SMURF2: variants seen among roughly 807,000 people sequenced by gnomAD.
The protein encoded by SMURF2 is E3 ubiquitin-protein ligase SMURF2.
Under a neutral mutation model 109.6 loss-of-function variants are expected in SMURF2, and 48 were observed. That is an observed-to-expected ratio of 0.44 (90% CI 0.35 to 0.56). The LOEUF (loss-of-function observed/expected upper bound fraction) is 0.56. SMURF2 is among the 20% of genes least tolerant of loss of function. The pLI is 0.01. For synonymous variants in SMURF2, 288 were observed against 317.1 expected (o/e 0.91, Z 0.97); for missense variants, 575 against 909.0 (o/e 0.63, Z 4.72).
intron 1 of SMURF2, among the ~76,000 whole-genome samples, chr17:64,661,242 A>C (rs1970770828): frequency 6.6e-6 from 1 of 151,882 alleles, no homozygotes; most frequent in Non-Finnish European, 1.5e-5. Context: ...CACACCGGAA[A>C]AGTCAACCTG....
intron 1 of SMURF2, among the ~76,000 whole-genome samples, chr17:64,652,930 A>G (rs1232132603): frequency 6.6e-6 from 1 of 152,248 alleles, no homozygotes; most frequent in Admixed American, 6.5e-5. Flanking sequence ...CTTGAAAATA[A>G]GTTTAAATGT....
At position 64,556,851 on chromosome 17, in the gene SMURF2, CTTGT is replaced by C. The variant is rs1339679560; in HGVS notation, c.1431+753_1431+756del. 3.9e-5 allele frequency among the ~76,000 whole-genome samples: 6 copies of C among 152,086 alleles called. No individual in the cohort carries two copies. The East Asian group carries it at 9.6e-4, about 24-fold the overall frequency. ...TTAAGCTCGTCTTTAAACCTTTTAT[CTTGT>C]TTTTGTTTCTTTTTTAAAAGTAACA... On this transcript the variant is annotated intron_variant, in intron 13 of 18. Transcript: ENST00000262435.
At chr17:64,573,434 C>A (rs1969444413) in intron 9 of SMURF2, among the ~76,000 whole-genome samples, 1 of 152,064 alleles carries the variant, frequency 6.6e-6, no homozygotes, top group Non-Finnish European at 1.5e-5. Context: ...CACAGTGAAA[C>A]CAATGATGGG....
At chr17:64,624,050 T>C (rs782396671) in intron 1 of SMURF2, among the ~76,000 whole-genome samples, 5 of 152,206 alleles carry the variant, frequency 3.3e-5, no homozygotes, top group Non-Finnish European at 7.3e-5. Flanking sequence ...ATTACAATAT[T>C]CACTAATTTG....
intron 2 of SMURF2, among the ~76,000 whole-genome samples, chr17:64,598,811 C>T (rs1555688316): frequency 6.6e-6 from 1 of 152,204 alleles, no homozygotes; most frequent in Non-Finnish European, 1.5e-5. Context: ...TGAATGGTTA[C>T]ATGAATTCTT....
intron 11 of SMURF2, among the ~76,000 whole-genome samples, chr17:64,561,991 C>A (rs1453044585): frequency 4.0e-5 from 6 of 149,676 alleles, no homozygotes; most frequent in African/African-American, 1.2e-4. Context: ...CAGAGCAAGA[C>A]CTTGTCTCTT....
intron 1 of SMURF2, among the ~76,000 whole-genome samples, chr17:64,622,373 T>G (rs1191900514): frequency 6.6e-6 from 1 of 152,188 alleles, no homozygotes; most frequent in East Asian, 1.9e-4. Flanking sequence ...ATACATTAAT[T>G]AAAATTGGTG....
chr17:64,587,966 G>C (rs576363727), intron 5 of SMURF2, among the ~76,000 whole-genome samples: 2 of 151,086 alleles, frequency 1.3e-5, no homozygotes, highest in South Asian at 4.2e-4. Context: ...CTATTAACTG[G>C]TTAAATGAAT....
chr17:64,617,103 C>T (rs2031847444), intron 1 of SMURF2, among the ~76,000 whole-genome samples: 1 of 146,886 alleles, frequency 6.8e-6, no homozygotes, highest in African/African-American at 2.5e-5. Context: ...AAATCTTAGT[C>T]CAGTTAAAGC....
At chr17:64,563,820 G>A (rs1483398565) in intron 10 of SMURF2, among the ~76,000 whole-genome samples, 7 of 152,028 alleles carry the variant, frequency 4.6e-5, no homozygotes, top group African/African-American at 7.2e-5. Flanking sequence ...TATTGCCCAG[G>A]CTGGCCCTGA....
chr17:64,596,585 C>CAAAA (rs201858792), intron 3 of SMURF2, among the ~76,000 whole-genome samples: 547 of 45,382 alleles, frequency 0.012, 11 homozygotes, highest in Admixed American at 0.015. Flanking sequence ...GGAGAGTAAA[C>CAAAA]AAAAAAAAAA....
At chr17:64,591,331 A>T (rs551500195) in intron 4 of SMURF2, among the ~76,000 whole-genome samples, 182 bp from the exon 5 acceptor site, 18 of 152,038 alleles carry the variant, frequency 1.2e-4, no homozygotes, top group Admixed American at 3.3e-4. Flanking sequence ...CTTTCTCTCC[A>T]AAACTTTTAG....
chr17:64,584,186 C>A (rs1969615073), intron 6 of SMURF2, among the ~76,000 whole-genome samples: 1 of 151,180 alleles, frequency 6.6e-6, no homozygotes, highest in Non-Finnish European at 1.5e-5. Flanking sequence ...GGCGTGGTAG[C>A]ATGCGCCTGT....
intron 4 of SMURF2, among the ~76,000 whole-genome samples, chr17:64,591,689 T>C (rs1347325182): frequency 6.6e-6 from 1 of 152,222 alleles, no homozygotes; most frequent in Non-Finnish European, 1.5e-5. Context: ...GATATAACAC[T>C]GACCTGGCCC....
chr17:64,636,670 T>G (rs1286740104), intron 1 of SMURF2, among the ~76,000 whole-genome samples: 1 of 141,716 alleles, frequency 7.1e-6, no homozygotes, highest in Non-Finnish European at 1.5e-5. Context: ...TCCCAGCTAC[T>G]CAGGAGGCTG....
At chr17:64,614,288 C>T (rs1201484359) in intron 1 of SMURF2, among the ~76,000 whole-genome samples, 1 of 152,094 alleles carries the variant, frequency 6.6e-6, no homozygotes, top group African/African-American at 2.4e-5. Context: ...TGAATTAATT[C>T]AATTAATTTT....
chr17:64,655,554 C>T (rs1261357406), intron 1 of SMURF2, among the ~76,000 whole-genome samples: 5 of 151,774 alleles, frequency 3.3e-5, no homozygotes, highest in Admixed American at 6.6e-5. Flanking sequence ...CCACCATGCC[C>T]GGCCCCAATG....
At chr17:64,661,221 G>A (rs1316030775) in intron 1 of SMURF2, among the ~76,000 whole-genome samples, 1 of 152,140 alleles carries the variant, frequency 6.6e-6, no homozygotes, top group African/African-American at 2.4e-5. Flanking sequence ...CAAGCCGTCG[G>A]ATCAGACAGG....
chr17:64,632,056 T>TCAAG (rs1474636277), intron 1 of SMURF2, among the ~76,000 whole-genome samples: 3 of 137,846 alleles, frequency 2.2e-5, no homozygotes, highest in African/African-American at 8.1e-5. Flanking sequence ...CCTCCCGGGT[T>TCAAG]CAAGCAATTC....
Sources: gnomAD v4.1 joint callset for allele counts (sites outside exome capture counted in the v4.1 genomes callset) on GRCh38, gnomAD v4.1.1 for gene constraint, MANE v1.5 for transcripts, NCBI Gene and HGNC (gene_info 2026-07-23, HGNC 2026-07-21) for gene names.